Variants in RORA observed in about 807,000 individuals in gnomAD.
The protein encoded by RORA is nuclear receptor ROR-alpha.
A neutral mutation model predicts 69.5 loss-of-function variants in RORA; 7 were observed. The ratio of observed to expected loss-of-function variants is 0.10; its 90% CI spans 0.06 to 0.19. The LOEUF (loss-of-function observed/expected upper bound fraction) is 0.19. Among genes scored for constraint, RORA ranks in the 10% least tolerant of loss-of-function variants. RORA has a pLI of 1.00. For missense variants in RORA, 457 were observed against 663.0 expected, an observed-to-expected ratio of 0.69 and a Z score of 3.41; for synonymous variants, 261 against 240.8, an observed-to-expected ratio of 1.08 and a Z score of -0.78.
chr15:61,032,801 T>A (rs1292109094), intron 1 of RORA, among the ~76,000 whole-genome samples: 1 of 152,172 alleles, frequency 6.6e-6, no homozygotes, highest in Non-Finnish European at 1.5e-5. Flanking sequence ...GTACAGGGGA[T>A]CCTTCTGCAT....
At chr15:60,918,230 G>T (rs1891937824) in intron 1 of RORA, among the ~76,000 whole-genome samples, 2 of 152,204 alleles carry the variant, frequency 1.3e-5, no homozygotes, top group African/African-American at 4.8e-5. Flanking sequence ...TCACTTTCCA[G>T]ATTCAAGGAA....
intron 2 of RORA, among the ~76,000 whole-genome samples, chr15:60,606,617 G>A (rs1458336961): frequency 6.6e-6 from 1 of 152,114 alleles, no homozygotes; most frequent in East Asian, 1.9e-4. Flanking sequence ...TTTGGGTGAG[G>A]CACTACGTGA....
At chr15:60,630,030 C>T (rs1048864205) in intron 2 of RORA, among the ~76,000 whole-genome samples, 1 of 152,168 alleles carries the variant, frequency 6.6e-6, no homozygotes, top group African/African-American at 2.4e-5. Flanking sequence ...AATGGAAGAC[C>T]TATGATTTGG....
At chr15:61,123,906 G>A (rs1255112384) in intron 1 of RORA, among the ~76,000 whole-genome samples, 1 of 152,208 alleles carries the variant, frequency 6.6e-6, no homozygotes, top group Admixed American at 6.5e-5. Context: ...ACACCTCTGG[G>A]TAGGATGCTG....
intron 2 of RORA, among the ~76,000 whole-genome samples, chr15:60,562,774 G>T (rs2067607844): frequency 6.6e-6 from 1 of 151,906 alleles, no homozygotes; most frequent in East Asian, 1.9e-4. Flanking sequence ...TAGGGGTCTT[G>T]CTATGTTGCC....
At chr15:60,789,285 A>C (rs1234405880) in intron 1 of RORA, among the ~76,000 whole-genome samples, 1 of 152,240 alleles carries the variant, frequency 6.6e-6, no homozygotes, top group Non-Finnish European at 1.5e-5. Flanking sequence ...TCATCCTGGC[A>C]TCAGAGGCCA....
chr15:60,906,951 C>A (rs901823410), intron 1 of RORA, among the ~76,000 whole-genome samples: 1 of 152,140 alleles, frequency 6.6e-6, no homozygotes, highest in Non-Finnish European at 1.5e-5. Flanking sequence ...ATTATTTCCT[C>A]TATTTTAAAA....
intron 1 of RORA, among the ~76,000 whole-genome samples, chr15:60,930,889 T>A (rs1005372993): frequency 6.6e-6 from 1 of 152,184 alleles, no homozygotes; most frequent in Admixed American, 6.5e-5. Flanking sequence ...TAAAATGAAA[T>A]GGCCTCACAT....
intron 1 of RORA, among the ~76,000 whole-genome samples, chr15:60,851,982 T>C (rs886632556): frequency 6.6e-6 from 1 of 152,184 alleles, no homozygotes; most frequent in African/African-American, 2.4e-5. Flanking sequence ...GGTATCCATG[T>C]GTGCCCACAT....
intron 2 of RORA, among the ~76,000 whole-genome samples, chr15:60,593,751 C>T (rs1008008000): frequency 5.3e-5 from 8 of 152,120 alleles, no homozygotes; most frequent in African/African-American, 1.9e-4. Context: ...TGGTCTGTTG[C>T]CACGCACAAC....
At chr15:61,124,507 G>A (rs950298493) in intron 1 of RORA, among the ~76,000 whole-genome samples, 4 of 152,210 alleles carry the variant, frequency 2.6e-5, no homozygotes, top group African/African-American at 2.4e-5. Context: ...CAAGAGGGAC[G>A]CACTGGAACA....
chr15:61,183,533 C>CAAAA (rs11392772), intron 1 of RORA, among the ~76,000 whole-genome samples: 1 of 130,696 alleles, frequency 7.7e-6, no homozygotes, highest in Non-Finnish European at 1.6e-5. Flanking sequence ...GAGACTGTTT[C>CAAAA]AAAAAAAAAA....
intron 1 of RORA, among the ~76,000 whole-genome samples, chr15:60,943,924 A>AAAAAAAAAAAAAAAAAG (rs1892783474): frequency 6.8e-6 from 1 of 147,296 alleles, no homozygotes; most frequent in Non-Finnish European, 1.5e-5. Context: ...TCCAAAAAAA[A>AAAAAAAAAAAAAAAAAG]AAAAAAAAAA....
intron 1 of RORA, among the ~76,000 whole-genome samples, chr15:61,190,875 A>C (rs531287232): frequency 6.6e-6 from 1 of 152,330 alleles, no homozygotes; most frequent in Non-Finnish European, 1.5e-5. Flanking sequence ...ATAAAGTATA[A>C]ATGCTTTTGC....
chr15:61,159,420 C>A (rs2079474821), intron 1 of RORA, among the ~76,000 whole-genome samples: 1 of 152,146 alleles, frequency 6.6e-6, no homozygotes, highest in Admixed American at 6.6e-5. Context: ...CACAGCTAAT[C>A]CCTTTCTTCC....
intron 2 of RORA, among the ~76,000 whole-genome samples, chr15:60,535,712 G>A (rs780924644): frequency 2.0e-5 from 3 of 152,134 alleles, no homozygotes; most frequent in South Asian, 4.1e-4. Flanking sequence ...AATAAAAATT[G>A]TATGACAGGC....
chr15:61,187,500 G>A (rs1237837186), intron 1 of RORA, among the ~76,000 whole-genome samples: 1 of 152,194 alleles, frequency 6.6e-6, no homozygotes, highest in Non-Finnish European at 1.5e-5. Flanking sequence ...AAGAGGAGGA[G>A]GAGGGGTGGC....
chr15:61,199,275 GA>G (rs758835487), intron 1 of RORA, among the ~76,000 whole-genome samples: 4 of 151,844 alleles, frequency 2.6e-5, no homozygotes, highest in Non-Finnish European at 5.9e-5. Context: ...AAAAAAATGA[GA>G]AAAAAATAAA....
At chr15:60,598,282 G>C (rs2068740999) in intron 2 of RORA, among the ~76,000 whole-genome samples, 1 of 152,124 alleles carries the variant, frequency 6.6e-6, no homozygotes, top group South Asian at 2.1e-4. Context: ...CTTTTGCTGA[G>C]CGTTCTACAA....
Sources: allele counts gnomAD v4.1 joint callset (sites outside exome capture counted in the v4.1 genomes callset), GRCh38; gene constraint gnomAD v4.1.1; transcripts MANE v1.5; gene names NCBI Gene and HGNC (gene_info 2026-07-23, HGNC 2026-07-21).